The following QKI variants were observed in gnomAD, a reference collection of about 807,000 sequenced individuals.
The protein encoded by QKI is QKI, KH domain containing RNA binding, also known as KH domain-containing RNA-binding protein QKI.
Under a neutral mutation model 39.0 loss-of-function variants are expected in QKI, and 10 were observed. That is an observed-to-expected ratio of 0.26 (90% CI 0.16 to 0.43). The LOEUF is 0.43. Among genes scored for constraint, QKI ranks in the 20% least tolerant of loss-of-function variants. QKI has a pLI of 1.00. For synonymous variants in QKI, 204 were observed against 155.4 expected, an observed-to-expected ratio of 1.31 and a Z score of -2.33; for missense variants, 218 against 428.0, an observed-to-expected ratio of 0.51 and a Z score of 4.33.
At chr6:163,561,841 T>A (rs1783037299) in intron 4 of QKI, 141 bp from the exon 5 acceptor site, 2 of 524,104 alleles carry the variant, frequency 3.8e-6, no homozygotes, top group Non-Finnish European at 6.6e-6. Flanking sequence ...TAGCACCTTT[T>A]GGTTCTTGAT....
At chr6:163,497,657 G>T (rs943628622) in intron 3 of QKI, among the ~76,000 whole-genome samples, 1 of 150,726 alleles carries the variant, frequency 6.6e-6, no homozygotes, top group Non-Finnish European at 1.5e-5. Flanking sequence ...AAAAATCCAT[G>T]TTTTTGTTAA....
chr6:163,449,686 C>T (rs913701109), intron 1 of QKI, among the ~76,000 whole-genome samples: 28 of 152,136 alleles, frequency 1.8e-4, no homozygotes, highest in Non-Finnish European at 3.4e-4. Flanking sequence ...TTTTGTGTTT[C>T]ATTTCCTAAT....
At chr6:163,494,651 G>GT (rs796487452) in intron 3 of QKI, among the ~76,000 whole-genome samples, 4,232 of 120,726 alleles carry the variant, frequency 0.035, 186 homozygotes, top group African/African-American at 0.12. Flanking sequence ...CACGTTTTGG[G>GT]TTTTTTTTTT....
intron 4 of QKI, among the ~76,000 whole-genome samples, chr6:163,545,383 A>G (rs892560663): frequency 1.3e-5 from 2 of 152,176 alleles, no homozygotes; most frequent in East Asian, 1.9e-4. Context: ...GATTCGGGTG[A>G]CATTCCATAC....
chr6:163,496,796 T>G (rs1476550171), intron 3 of QKI, among the ~76,000 whole-genome samples: 1 of 152,174 alleles, frequency 6.6e-6, no homozygotes, highest in African/African-American at 2.4e-5. Flanking sequence ...GATTTATCCC[T>G]TTATTTCAGA....
intron 1 of QKI, among the ~76,000 whole-genome samples, chr6:163,454,639 G>C (rs1031100061): frequency 6.6e-6 from 1 of 152,102 alleles, no homozygotes; most frequent in African/African-American, 2.4e-5. Flanking sequence ...TCTTGGTTTG[G>C]ATCTTCTTTT....
At chr6:163,423,210 C>T (rs994288095) in intron 1 of QKI, 3 of 152,288 alleles carry the variant, frequency 2.0e-5, no homozygotes, top group East Asian at 3.8e-4. Flanking sequence ...ATCGCTTGAA[C>T]CTGGTAGGCG....
At chr6:163,566,840 T>C (rs1220736082) in intron 7 of QKI, 45 bp downstream of exon 7, 32 of 1,601,158 alleles carry the variant, frequency 2.0e-5, no homozygotes, top group Non-Finnish European at 1.5e-5. Flanking sequence ...ATGCGTTGGG[T>C]GTCCATAAAA....
intron 2 of QKI, among the ~76,000 whole-genome samples, chr6:163,478,240 A>G (rs1220684057): frequency 6.6e-6 from 1 of 152,226 alleles, no homozygotes; most frequent in African/African-American, 2.4e-5. Flanking sequence ...GTAGAAAGGA[A>G]TATGTACTCT....
intron 6 of QKI, chr6:163,565,648 C>T (rs1583231883): frequency 2.8e-6 from 3 of 1,056,586 alleles, no homozygotes; most frequent in East Asian, 1.3e-4. Context: ...ATAATAAGTG[C>T]CCAATGAAAA....
At chr6:163,454,324 G>A (rs1467906943) in intron 1 of QKI, among the ~76,000 whole-genome samples, 1 of 152,074 alleles carries the variant, frequency 6.6e-6, no homozygotes, top group Non-Finnish European at 1.5e-5. Context: ...AAATGTCTAT[G>A]TATATCCAAG....
chr6:163,416,281 C>G (rs1562408315), intron 1 of QKI: 8 of 220,202 alleles, frequency 3.6e-5, no homozygotes, highest in Non-Finnish European at 7.5e-5. Context: ...TAATGTTGAC[C>G]AACTTTGGAA....
intron 2 of QKI, 113 bp downstream of exon 2, chr6:163,455,534 C>A: frequency 9.4e-7 from 1 of 1,062,164 alleles, no homozygotes; most frequent in South Asian, 1.7e-5. Flanking sequence ...AAAATGCAGT[C>A]ATCAACTGAA....
chr6:163,475,364 A>G (rs1206630254), intron 2 of QKI, among the ~76,000 whole-genome samples: 1 of 152,208 alleles, frequency 6.6e-6, no homozygotes, highest in African/African-American at 2.4e-5. Context: ...TTTCCTAAGC[A>G]ATGCAGCATA....
intron 3 of QKI, among the ~76,000 whole-genome samples, chr6:163,489,309 T>C (rs1366714244): frequency 6.6e-6 from 1 of 152,016 alleles, no homozygotes; most frequent in African/African-American, 2.4e-5. Flanking sequence ...AGGGTGATGG[T>C]TTGCGTTACC....
chr6:163,438,726 C>T (rs1582987637), intron 1 of QKI, among the ~76,000 whole-genome samples: 1 of 151,768 alleles, frequency 6.6e-6, no homozygotes, highest in Non-Finnish European at 1.5e-5. Context: ...AAGTTGCTCT[C>T]GGTGAGTCAG....
intron 2 of QKI, among the ~76,000 whole-genome samples, chr6:163,468,965 A>G (rs996696672): frequency 4.6e-5 from 7 of 151,980 alleles, no homozygotes; most frequent in African/African-American, 1.5e-4. Context: ...GACCTCGACA[A>G]TTTCAGCTGT....
At chr6:163,431,408 G>A (rs1788820776) in intron 1 of QKI, among the ~76,000 whole-genome samples, 1 of 152,050 alleles carries the variant, frequency 6.6e-6, no homozygotes, top group Non-Finnish European at 1.5e-5. Flanking sequence ...ATAGAATCCT[G>A]CCAGCTTAAA....
At chr6:163,464,709 A>G (rs1444289840) in intron 2 of QKI, among the ~76,000 whole-genome samples, 1 of 152,204 alleles carries the variant, frequency 6.6e-6, no homozygotes, top group Non-Finnish European at 1.5e-5. Flanking sequence ...CCTCCCAACA[A>G]ATAGAAGCCC....
Sources: gnomAD v4.1 joint callset for allele counts (sites outside exome capture counted in the v4.1 genomes callset) on GRCh38, gnomAD v4.1.1 for gene constraint, MANE v1.5 for transcripts, NCBI Gene and HGNC (gene_info 2026-07-23, HGNC 2026-07-21) for gene names.